Variants in BRF1 observed in about 807,000 individuals in gnomAD.
BRF1 encodes BRF1 general transcription factor IIIB subunit.
In BRF1, 59 loss-of-function variants were observed where a neutral mutation model predicts 81.7. The observed-to-expected ratio is 0.72, with a 90% confidence interval of 0.59 to 0.90. The LOEUF is 0.90. Ranked by LOEUF, BRF1 falls within the 40% of genes least tolerant of loss-of-function variation. The probability of loss-of-function intolerance (pLI) is 0.00; values close to 1 mark genes in which losing one functional copy is unlikely to be tolerated. For synonymous variants in BRF1, 491 were observed against 395.6 expected (o/e 1.24, Z -2.86); for missense variants, 1,050 against 936.3 (o/e 1.12, Z -1.58).
chr14:105,249,283 C>G, intron 5 of BRF1: 1 of 1,558,056 alleles, frequency 6.4e-7, no homozygotes, highest in South Asian at 1.2e-5. Context: ...ACGCGTGCCC[C>G]GTCCGCCCCG....
At chr14:105,219,716 C>T (rs1158497736) in intron 12 of BRF1, 8 of 423,480 alleles carry the variant, frequency 1.9e-5, no homozygotes, top group African/African-American at 5.9e-5. Context: ...GGTTTGGGGG[C>T]GCACAGCGCA....
chr14:105,249,160 C>A, intron 5 of BRF1: 1 of 1,576,918 alleles, frequency 6.3e-7, no homozygotes, highest in Non-Finnish European at 8.6e-7. Context: ...TTTGCAGGAA[C>A]GCGCTCATGT....
intron 7 of BRF1, chr14:105,228,336 A>G (rs1368993448): frequency 6.5e-6 from 1 of 153,230 alleles, no homozygotes; most frequent in Non-Finnish European, 1.5e-5. Flanking sequence ...GCAGATCACG[A>G]GGTCAGGAGT....
At chr14:105,301,914 A>G (rs1262536877), upstream of BRF1, among the ~76,000 whole-genome samples, 1 of 152,214 alleles carries the variant, frequency 6.6e-6, no homozygotes, top group Non-Finnish European at 1.5e-5. Context: ...AGGCAGGCGG[A>G]TCACGTAAGG....
intron 6 of BRF1, 75 bp from the exon 7 acceptor site, chr14:105,228,988 A>G (rs1020026538): frequency 1.6e-5 from 22 of 1,340,562 alleles, no homozygotes; most frequent in Non-Finnish European, 2.2e-5. Flanking sequence ...CCAGGACAAC[A>G]CTGCGGATCC....
At position 105,212,144 on chromosome 14, in the gene BRF1, G is replaced by A. The variant is rs144088839; in HGVS notation, c.1793C>T (p.Thr598Met). The change falls in exon 16 of 18, where the codon ACG becomes ATG. Residue 598 changes from threonine to methionine, a missense_variant. Physicochemically the swap from Thr to Met is moderately conservative, Grantham distance 81. Around this residue, in one of 2 missense-constraint regions of BRF1, gnomAD observed 1,043 missense variants for 915.4 expected, o/e 1.14. Transcript: ENST00000547530. ...VGKRLRPLVS[T>M]QPAKKVATGE... ...CGTGGCCACCTTCTTTGCTGGCTGCGTAGACACCAGAGGCCTCAACCTGCA... is the reference window on the plus strand; with the variant it reads ...CGTGGCCACCTTCTTTGCTGGCTGCATAGACACCAGAGGCCTCAACCTGCA... 9.9e-6 allele frequency: 16 copies of A among 1,612,610 alleles called. No homozygotes were observed. Among genetic ancestry groups the A allele is most frequent in the African/African-American group, 4.0e-5 (3 of 75,050 alleles).
intron 15 of BRF1, among the ~76,000 whole-genome samples, chr14:105,215,948 C>T (rs958650398): frequency 2.1e-5 from 3 of 142,354 alleles, no homozygotes; most frequent in Admixed American, 7.1e-5. Flanking sequence ...CATACACAGA[C>T]ACAGGCACAC....
chr14:105,223,334 C>A (rs183047248), intron 10 of BRF1, among the ~76,000 whole-genome samples: 1 of 124,066 alleles, frequency 8.1e-6, no homozygotes, highest in Non-Finnish European at 1.7e-5. Flanking sequence ...CAGCCTCAAA[C>A]GTGCAATGTC....
chr14:105,256,467 C>G, intron 4 of BRF1, 51 bp downstream of exon 4: 1 of 1,613,856 alleles, frequency 6.2e-7, no homozygotes, highest in Non-Finnish European at 8.5e-7. Context: ...TGGTCACAAC[C>G]CCCAGGTCAC....
chr14:105,228,926 G>C lies in BRF1; in HGVS notation c.695-13C>G. 1.2e-6 allele frequency: 2 copies of C among 1,612,766 alleles called. No individual in the cohort carries two copies. The highest frequency in any genetic ancestry group is 1.7e-6 in the Non-Finnish European group (2 of 1,179,670). On this transcript the variant is annotated splice_polypyrimidine_tract_variant and intron_variant, in intron 6 of 17. Coordinates refer to ENST00000547530, the MANE Select transcript of BRF1 (RefSeq NM_001519.4). The stretch of plus-strand genomic sequence containing the variant: ...GCAACCAGGAGCGCTGGAAGGCAAC[G>C]AGACGGGCCTCGTCAACCACGGCTG...
intron 16 of BRF1, chr14:105,211,554 T>G (rs921382663): frequency 1.7e-5 from 9 of 514,396 alleles, no homozygotes; most frequent in Non-Finnish European, 2.7e-5. Context: ...CCCACCCCAG[T>G]GCTCGGGGAG....
At chr14:105,263,011 C>A (rs964049836) in intron 3 of BRF1, among the ~76,000 whole-genome samples, 1 of 151,544 alleles carries the variant, frequency 6.6e-6, no homozygotes, top group Non-Finnish European at 1.5e-5. Context: ...GAGGCCGAGG[C>A]GGGCAGATGA....
intron 11 of BRF1, among the ~76,000 whole-genome samples, chr14:105,220,777 G>A (rs947822809): frequency 5.3e-5 from 8 of 152,380 alleles, no homozygotes; most frequent in African/African-American, 1.7e-4. Context: ...GGGCCAGACT[G>A]TCTGAGGTGC....
At position 105,250,030 on chromosome 14, in the gene BRF1, G is replaced by C; in HGVS notation, c.544+2477C>G. ...GGCTGCCAATCACCCCACGAAACAAGAGGCATGTTCTGGGGCGAGCCCTCT... is the reference window on the plus strand; with the variant it reads ...GGCTGCCAATCACCCCACGAAACAACAGGCATGTTCTGGGGCGAGCCCTCT... On this transcript the variant is annotated intron_variant, in intron 5 of 17. Coordinates refer to ENST00000547530, the MANE Select transcript of BRF1 (RefSeq NM_001519.4). The C allele has an allele frequency of 1.9e-6, 3 of 1,612,968 alleles. No homozygotes were observed. The Middle Eastern group carries it at 4.9e-4, about 266-fold the overall frequency.
intron 5 of BRF1, chr14:105,249,323 G>A (rs375678305): frequency 1.3e-6 from 2 of 1,597,710 alleles, no homozygotes; most frequent in African/African-American, 2.7e-5. Flanking sequence ...GCAGCCTGCG[G>A]GAGAGCCAGG....
chr14:105,251,746 GC>G (rs1328405046), intron 5 of BRF1, among the ~76,000 whole-genome samples: 2 of 151,980 alleles, frequency 1.3e-5, no homozygotes, highest in African/African-American at 4.8e-5. Context: ...CTCTAAGCGG[GC>G]CATGGAAACC....
At chr14:105,282,010 C>T (rs1566862672) in intron 2 of BRF1, among the ~76,000 whole-genome samples, 1 of 152,160 alleles carries the variant, frequency 6.6e-6, no homozygotes, top group Non-Finnish European at 1.5e-5. Context: ...AAGAGAGCCC[C>T]ACCTAGCGGC....
chr14:105,241,793 C>T (rs1381882742), intron 5 of BRF1: 17 of 254,130 alleles, frequency 6.7e-5, no homozygotes, highest in East Asian at 4.5e-4. Context: ...CAGGCGTGGG[C>T]TGGGTACACA....
rs1443948255 is a variant in BRF1, at chr14:105,226,148, A to C, written c.969T>G (p.Ser323Arg). 6.2e-7 allele frequency: 1 copy of C among 1,614,026 alleles called. No homozygotes were observed. Among genetic ancestry groups the C allele is most frequent in the Admixed American group, 1.7e-5 (1 of 60,022 alleles). ...GTTCAATCTCAATTGCATCCTGGTA[A>C]CTGGATATTTCACCTGAAGTCATAA... ...KLEEVEGEIS[S>R]YQDAIEIELE... The change falls in exon 10 of 18, where the codon AGT (serine) becomes AGG (arginine). Residue 323 changes from serine to arginine, a missense_variant. This residue lies in a region of BRF1 where 1,043 missense variants were observed against 915.4 expected (regional missense o/e 1.14). Transcript: ENST00000547530.
Sources: allele counts gnomAD v4.1 joint callset (sites outside exome capture counted in the v4.1 genomes callset), GRCh38; gene constraint gnomAD v4.1.1; regional missense constraint gnomAD v4.1.1; transcripts MANE v1.5; gene names NCBI Gene and HGNC (gene_info 2026-07-23, HGNC 2026-07-21).